The following EFHB variants were observed in gnomAD, a reference collection of about 807,000 sequenced individuals.
The protein encoded by EFHB is EF-hand domain family member B.
A neutral mutation model predicts 87.2 loss-of-function variants in EFHB; 91 were observed. The observed-to-expected ratio is 1.04, with a 90% CI of 0.88 to 1.24. EFHB has a LOEUF of 1.24. Ranked by LOEUF, EFHB falls within the 50% of genes most tolerant of loss-of-function variation. EFHB has a pLI of 0.00. For synonymous variants in EFHB, 325 were observed against 333.6 expected (o/e 0.97, Z 0.28); for missense variants, 1,084 against 998.8 (o/e 1.09, Z -1.15).
At chr3:19,938,712 A>C (rs1307301366), upstream of EFHB, among the ~76,000 whole-genome samples, 1 of 152,110 alleles carries the variant, frequency 6.6e-6, no homozygotes, top group Non-Finnish European at 1.5e-5. Flanking sequence ...ATGTTAGCCC[A>C]CTGCAGTCTC....
At chr3:19,940,676 C>T in intron 1 of EFHB, 2 of 360,584 alleles carry the variant, frequency 5.5e-6, no homozygotes, top group South Asian at 4.4e-5. Context: ...TCATTAGTGA[C>T]AGTAATCTTG....
At chr3:19,929,365 G>C (rs1695745941) in intron 1 of EFHB, among the ~76,000 whole-genome samples, 2 of 151,706 alleles carry the variant, frequency 1.3e-5, no homozygotes, top group Admixed American at 1.3e-4. Flanking sequence ...GAAAATTCTG[G>C]AAGAATAAAA....
At chr3:19,907,501 C>G (rs1694879264) in intron 5 of EFHB, among the ~76,000 whole-genome samples, 1 of 152,138 alleles carries the variant, frequency 6.6e-6, no homozygotes, top group Non-Finnish European at 1.5e-5. Flanking sequence ...CAGCACTTTC[C>G]ACTATGCTAA....
intron 4 of EFHB, among the ~76,000 whole-genome samples, chr3:19,916,420 C>T (rs1044095203): frequency 2.0e-5 from 3 of 151,936 alleles, no homozygotes; most frequent in Admixed American, 6.6e-5. Context: ...GGGGCTGAGG[C>T]AGGAGAATCG....
At chr3:19,911,148 T>C (rs1695050176) in intron 5 of EFHB, among the ~76,000 whole-genome samples, 1 of 152,170 alleles carries the variant, frequency 6.6e-6, no homozygotes, top group Admixed American at 6.5e-5. Context: ...TATATGTCCT[T>C]TCAGATAGAG....
chr3:19,902,951 C>T (rs1031893514), intron 6 of EFHB, among the ~76,000 whole-genome samples: 5 of 151,680 alleles, frequency 3.3e-5, no homozygotes, highest in African/African-American at 7.3e-5. Flanking sequence ...CTGAGGCGGG[C>T]GGATCACCTG....
intron 1 of EFHB, among the ~76,000 whole-genome samples, chr3:19,921,347 A>C (rs1311377927): frequency 6.6e-6 from 1 of 152,104 alleles, no homozygotes; most frequent in Non-Finnish European, 1.5e-5. Flanking sequence ...TCTAGGTATA[A>C]AAGAGGAAGC....
At chr3:19,920,778 T>C (rs942241415) in intron 1 of EFHB, among the ~76,000 whole-genome samples, 10 of 152,222 alleles carry the variant, frequency 6.6e-5, no homozygotes, top group Non-Finnish European at 1.0e-4. Flanking sequence ...TTTATAAAAT[T>C]GTAAGCATAT....
At chr3:19,891,100 T>C (rs545148656) in intron 9 of EFHB, among the ~76,000 whole-genome samples, 13 of 152,256 alleles carry the variant, frequency 8.5e-5, no homozygotes, top group African/African-American at 3.1e-4. Flanking sequence ...AGGCTATCAA[T>C]CAGTTGTGCA....
In EFHB at chr3:19,886,865, TAG is replaced by T. The variant is rs570123884; in HGVS notation, c.1933+1577_1933+1578del. On this transcript the variant is annotated intron_variant, in intron 10 of 12. Coordinates refer to ENST00000295824, the MANE Select transcript of EFHB (RefSeq NM_144715.4). ...ATCATTTAGAAAAGCAAAATGAAAATAGAGTTACTTCTGAGACAATAATAACA... is the reference window on the plus strand; with the variant it reads ...ATCATTTAGAAAAGCAAAATGAAAATAGTTACTTCTGAGACAATAATAACA... Among the ~76,000 whole-genome samples the T allele has an allele frequency of 1.9e-3, 292 of 152,008 alleles. 1 individual carries two copies. In the Middle Eastern group the frequency reaches 0.024, roughly 12 times the overall value.
upstream of EFHB, among the ~76,000 whole-genome samples, chr3:19,937,187 AT>A (rs1212452210): frequency 6.6e-6 from 1 of 151,884 alleles, no homozygotes; most frequent in African/African-American, 2.4e-5. Flanking sequence ...ACAAAAAACT[AT>A]TTTCTACAAC....
rs201002982 is a variant in EFHB at position 19,933,742 on chromosome 3, T to C, written c.277A>G (p.Ser93Gly). Reference protein sequence around the residue: ...VMQRGSLGVDSVSASQGTKPS... With the variant: ...VMQRGSLGVDGVSASQGTKPS... ...TTTGTTCCCTGTGAAGCTGAGACAC[T>C]GTCGACTCCTAAACTACCCCTCTGC... Residue 93 changes from serine to glycine, a missense_variant, in exon 1 of 13, where the codon AGT (serine) becomes GGT (glycine). Coordinates refer to ENST00000295824, the MANE Select transcript of EFHB (RefSeq NM_144715.4). The C allele has an allele frequency of 4.8e-5, 77 of 1,614,008 alleles. No homozygotes were observed. The East Asian group carries it at 1.6e-3, about 33-fold the overall frequency.
chr3:19,933,788 C>A lies in EFHB; in HGVS notation c.231G>T (p.Gln77His). ...TCTGCATGACAGTCCTAGAAATATT[C>A]TGTCTTTCTAATCCCATTTCAAGCC... is the stretch of plus-strand genomic sequence containing the variant. ...SKGLEMGLER[Q>H]NISRTVMQRG... Residue 77 changes from glutamine to histidine, a missense_variant, in exon 1 of 13, where the codon CAG becomes CAT. Physicochemically the swap from Gln to His is conservative, Grantham distance 24. Coordinates refer to ENST00000295824, the MANE Select transcript of EFHB (RefSeq NM_144715.4). The A allele has an allele frequency of 6.2e-7, 1 of 1,613,992 alleles. No individual in the cohort carries two copies. Among genetic ancestry groups the A allele is most frequent in the Non-Finnish European group, 8.5e-7 (1 of 1,179,890 alleles).
intron 9 of EFHB, among the ~76,000 whole-genome samples, chr3:19,894,180 C>T (rs898596174): frequency 2.6e-5 from 4 of 152,220 alleles, no homozygotes; most frequent in African/African-American, 9.6e-5. Context: ...ATATGTTCAA[C>T]AACTGACTTT....
At chr3:19,920,459 A>C (rs781402747) in intron 2 of EFHB, 46 bp downstream of exon 2, 1 of 1,486,454 alleles carries the variant, frequency 6.7e-7, no homozygotes, top group Non-Finnish European at 9.2e-7. Flanking sequence ...TAATGTTCAC[A>C]TAGAAGGTAA....
chr3:19,894,989 A>AATATATATATATATATATATATATATAT (rs1553629698), intron 9 of EFHB: 32 of 144,488 alleles, frequency 2.2e-4, no homozygotes, highest in African/African-American at 7.4e-4. Context: ...TGTCTCAAAA[A>AATATATATATATATATATATATATATAT]ATATATATAT....
chr3:19,933,960 A>T lies in EFHB; in HGVS notation c.59T>A (p.Val20Asp). ...CATGGGAAATTTTGTTCCCATGATGACCCTCTTGTCTCCTAAATCATCCTT... is the reference window on the plus strand; with the variant it reads ...CATGGGAAATTTTGTTCCCATGATGTCCCTCTTGTCTCCTAAATCATCCTT... The part of the protein sequence containing the change: ...EGKDDLGDKR[V>D]IMGTKFPMEL... Residue 20 changes from valine to aspartate, a missense_variant, in exon 1 of 13, where the codon GTC becomes GAC. Coordinates refer to ENST00000295824, the MANE Select transcript of EFHB (RefSeq NM_144715.4). The T allele has an allele frequency of 6.2e-7, 1 of 1,613,276 alleles. No individual in the cohort carries two copies.
At chr3:19,940,679 T>C in intron 1 of EFHB, 1 of 360,932 alleles carries the variant, frequency 2.8e-6, no homozygotes, top group South Asian at 2.2e-5. Context: ...TTAGTGACAG[T>C]AATCTTGTTC....
chr3:19,922,514 T>C (rs1333705860), intron 1 of EFHB, among the ~76,000 whole-genome samples: 1 of 152,158 alleles, frequency 6.6e-6, no homozygotes, highest in Non-Finnish European at 1.5e-5. Context: ...AATAGGAGCA[T>C]TAATAAGTAA....
Sources: allele counts gnomAD v4.1 joint callset (sites outside exome capture counted in the v4.1 genomes callset), GRCh38; gene constraint gnomAD v4.1.1; transcripts MANE v1.5; gene names NCBI Gene and HGNC (gene_info 2026-07-23, HGNC 2026-07-21).